LATS2: variants seen among roughly 807,000 people sequenced by gnomAD.
LATS2 encodes serine/threonine-protein kinase LATS2.
A neutral mutation model predicts 76.0 loss-of-function variants in LATS2; 24 were observed. The ratio of observed to expected loss-of-function variants is 0.32; its 90% CI spans 0.23 to 0.44. LATS2 has a LOEUF of 0.44. Among genes scored for constraint, LATS2 ranks in the 20% least tolerant of loss-of-function variants. The probability of loss-of-function intolerance (pLI) is 1.00; values close to 1 mark genes in which losing one functional copy is unlikely to be tolerated. For missense variants in LATS2, 1,286 were observed against 1,481.2 expected, an observed-to-expected ratio of 0.87 and a Z score of 2.16; for synonymous variants, 692 against 635.4, an observed-to-expected ratio of 1.09 and a Z score of -1.34.
chr13:21,050,773 A>C (rs897331224), intron 1 of LATS2, among the ~76,000 whole-genome samples: 6 of 152,230 alleles, frequency 3.9e-5, no homozygotes, highest in Admixed American at 3.9e-4. Flanking sequence ...CTGAAGAGCG[A>C]CTGGCAGAGC....
chr13:21,019,745 G>A (rs1490125805), intron 2 of LATS2, among the ~76,000 whole-genome samples: 13 of 149,376 alleles, frequency 8.7e-5, no homozygotes, highest in African/African-American at 2.9e-4. Flanking sequence ...AGGCCGAAGC[G>A]GGTGGATCAC....
chr13:21,049,269 G>A (rs1293008543), intron 1 of LATS2, among the ~76,000 whole-genome samples: 4 of 152,228 alleles, frequency 2.6e-5, no homozygotes, highest in African/African-American at 9.6e-5. Flanking sequence ...AGGATGGGCA[G>A]TCACTGCCTA....
chr13:20,994,957 G>A (rs550530106), intron 2 of LATS2, among the ~76,000 whole-genome samples: 4 of 152,124 alleles, frequency 2.6e-5, no homozygotes, highest in Non-Finnish European at 5.9e-5. Flanking sequence ...TCCAAAAGAT[G>A]GCAGGATGGC....
intron 2 of LATS2, among the ~76,000 whole-genome samples, chr13:20,997,423 C>T (rs540811608): frequency 2.0e-5 from 3 of 152,296 alleles, no homozygotes; most frequent in Admixed American, 6.5e-5. Context: ...TTTAACAAAA[C>T]GGCGAGGTGG....
At chr13:21,040,413 A>C (rs1283804977) in intron 2 of LATS2, among the ~76,000 whole-genome samples, 1 of 149,842 alleles carries the variant, frequency 6.7e-6, no homozygotes, top group African/African-American at 2.5e-5. Context: ...AAAAAGAAAG[A>C]AATGTCTTTG....
At chr13:21,059,725 G>C (rs1372154781) in intron 1 of LATS2, among the ~76,000 whole-genome samples, 1 of 152,190 alleles carries the variant, frequency 6.6e-6, no homozygotes, top group Admixed American at 6.5e-5. Context: ...CAGCACTCTG[G>C]GAGACGGAGG....
intron 2 of LATS2, among the ~76,000 whole-genome samples, chr13:21,020,328 T>G (rs1872005759): frequency 6.6e-6 from 1 of 152,182 alleles, no homozygotes; most frequent in South Asian, 2.1e-4. Flanking sequence ...TATTATCCTA[T>G]TATTTGCCAT....
At chr13:21,011,151 A>G (rs1871578560) in intron 2 of LATS2, among the ~76,000 whole-genome samples, 1 of 152,258 alleles carries the variant, frequency 6.6e-6, no homozygotes, top group Non-Finnish European at 1.5e-5. Context: ...CCATCAAATC[A>G]TCTTATATCA....
chr13:21,004,428 C>T (rs1237814558), intron 2 of LATS2, among the ~76,000 whole-genome samples: 2 of 130,188 alleles, frequency 1.5e-5, no homozygotes, highest in African/African-American at 6.2e-5. Context: ...GAGCGAAACA[C>T]TGTCTCAAAA....
intron 2 of LATS2, among the ~76,000 whole-genome samples, chr13:20,999,069 G>A (rs1488453115): frequency 2.0e-5 from 3 of 152,260 alleles, no homozygotes; most frequent in African/African-American, 7.2e-5. Context: ...CGCGAGGCAG[G>A]GGCCCCGGTG....
intron 2 of LATS2, chr13:21,038,501 C>A (rs1173890190): frequency 6.6e-6 from 1 of 152,032 alleles, no homozygotes; most frequent in East Asian, 1.9e-4. Context: ...CTGCACCCCA[C>A]CTATTTTATC....
At chr13:21,006,176 T>G (rs909694817) in intron 2 of LATS2, among the ~76,000 whole-genome samples, 2 of 150,152 alleles carry the variant, frequency 1.3e-5, no homozygotes, top group Non-Finnish European at 3.0e-5. Context: ...AGGAAAGGAT[T>G]CACTTTCTGC....
At chr13:21,024,689 T>A (rs1872236159) in intron 2 of LATS2, among the ~76,000 whole-genome samples, 2 of 142,878 alleles carry the variant, frequency 1.4e-5, no homozygotes, top group African/African-American at 2.6e-5. Context: ...ATACCCACAT[T>A]AAAAAAAAAA....
chr13:20,998,331 A>T (rs1321267817), intron 2 of LATS2, among the ~76,000 whole-genome samples: 1 of 151,916 alleles, frequency 6.6e-6, no homozygotes, highest in South Asian at 2.1e-4. Context: ...CCAGCCTGGG[A>T]GACAGAGCAA....
At chr13:20,990,461 A>ATTTTTTT (rs35074574) in intron 3 of LATS2, among the ~76,000 whole-genome samples, 14,464 of 94,122 alleles carry the variant, frequency 0.15, 2,596 homozygotes, top group Non-Finnish European at 0.19. Context: ...AATTACTAGG[A>ATTTTTTT]TTTTTTTTTT....
intron 1 of LATS2, among the ~76,000 whole-genome samples, chr13:21,060,942 C>G (rs1164399373): frequency 6.6e-6 from 1 of 151,388 alleles, no homozygotes; most frequent in Non-Finnish European, 1.5e-5. Flanking sequence ...GAGGCGCGCC[C>G]GGCGCTACGG....
Position 21,012,785 on chromosome 13 carries a change from A to ACCC in LATS2, c.343-21384_343-21382dup, listed in dbSNP as rs34789164. Among the ~76,000 whole-genome samples the ACCC allele has an allele frequency of 2.7e-3, 387 of 145,548 alleles. 1 individual carries two copies. The highest frequency in any genetic ancestry group is 8.5e-3 in the African/African-American group (341 of 40,078). ...AGCTGTGGGTGATTGGGTGAATCAC[A>ACCC]CCCCCCCCCCACCTCCTAGGAAATA... On this transcript the variant is annotated intron_variant, in intron 2 of 7. Coordinates refer to ENST00000382592, the MANE Select transcript of LATS2 (RefSeq NM_014572.3).
At chr13:20,982,992 C>CAAA (rs67372854) in intron 5 of LATS2, among the ~76,000 whole-genome samples, 20,568 of 86,610 alleles carry the variant, frequency 0.24, 2,691 homozygotes, top group Non-Finnish European at 0.29. Flanking sequence ...AACTCTGTCT[C>CAAA]AAAAAAAAAA....
intron 2 of LATS2, among the ~76,000 whole-genome samples, chr13:20,999,898 C>A (rs1410042919): frequency 6.7e-6 from 1 of 148,702 alleles, no homozygotes; most frequent in Non-Finnish European, 1.5e-5. Flanking sequence ...CGTGGTGGCA[C>A]ACACCTATAT....
Sources: allele counts gnomAD v4.1 joint callset (sites outside exome capture counted in the v4.1 genomes callset), GRCh38; gene constraint gnomAD v4.1.1; transcripts MANE v1.5; gene names NCBI Gene and HGNC (gene_info 2026-07-23, HGNC 2026-07-21).